The following SBF2 variants were observed in gnomAD, a reference collection of about 807,000 sequenced individuals.
The protein encoded by SBF2 is myotubularin-related protein 13.
A neutral mutation model predicts 225.2 loss-of-function variants in SBF2; 112 were observed. The observed-to-expected ratio is 0.50, with a 90% CI of 0.43 to 0.58. SBF2 has a LOEUF of 0.58. Among genes scored for constraint, SBF2 ranks in the 20% least tolerant of loss-of-function variants. The pLI is 0.00. For missense variants in SBF2, 1,996 were observed against 2,206.2 expected (o/e 0.90, Z 1.91); for synonymous variants, 763 against 773.3 (o/e 0.99, Z 0.22).
intron 2 of SBF2, among the ~76,000 whole-genome samples, chr11:10,130,048 A>G (rs1254974123): frequency 6.6e-6 from 1 of 151,930 alleles, no homozygotes; most frequent in Non-Finnish European, 1.5e-5. Context: ...AGGGACTGGA[A>G]AACTTAAAAT....
chr11:10,198,707 C>A (rs534856963), intron 1 of SBF2, among the ~76,000 whole-genome samples: 19 of 152,316 alleles, frequency 1.2e-4, no homozygotes, highest in African/African-American at 4.1e-4. Flanking sequence ...TGTGGCTGCC[C>A]TCATCATCTT....
chr11:10,204,213 G>A (rs559379786), intron 1 of SBF2, among the ~76,000 whole-genome samples: 6 of 149,364 alleles, frequency 4.0e-5, no homozygotes, highest in Admixed American at 2.7e-4. Flanking sequence ...AGAAGACAGT[G>A]GAGCTACATC....
intron 1 of SBF2, among the ~76,000 whole-genome samples, chr11:10,198,234 A>G (rs918545081): frequency 2.0e-5 from 3 of 152,228 alleles, no homozygotes. Context: ...TGAAAGTCAA[A>G]ATGACTCTTG....
rs190053552 is a variant in SBF2, at chr11:10,071,067, C to T, written c.142-28086G>A. Among the ~76,000 whole-genome samples, 190 of 152,172 alleles carry T rather than the reference C, an allele frequency of 1.2e-3. 2 individuals are homozygous for T. The East Asian group carries it at 0.029, about 23-fold the overall frequency. ...AGCTTAAGGAGGTTTTGGGCTGAGA[C>T]GATGGTGTTTTCTAAATATACAATA... On this transcript the variant is annotated intron_variant, in intron 2 of 39. Coordinates refer to ENST00000256190, the MANE Select transcript of SBF2 (RefSeq NM_030962.4).
At chr11:9,827,235 T>G (rs529958291) in intron 28 of SBF2, among the ~76,000 whole-genome samples, 3 of 152,228 alleles carry the variant, frequency 2.0e-5, no homozygotes, top group Admixed American at 2.0e-4. Flanking sequence ...GACTTCACAG[T>G]TGAGATATCT....
At chr11:10,139,659 A>C (rs1041398072) in intron 2 of SBF2, among the ~76,000 whole-genome samples, 4 of 152,216 alleles carry the variant, frequency 2.6e-5, no homozygotes, top group African/African-American at 9.6e-5. Context: ...GCTCCTGTTC[A>C]ATCTTAGCTA....
At chr11:10,186,096 T>C (rs967150903) in intron 2 of SBF2, among the ~76,000 whole-genome samples, 1 of 152,200 alleles carries the variant, frequency 6.6e-6, no homozygotes, top group Admixed American at 6.5e-5. Context: ...TACCTCATAT[T>C]AGAAATTTAG....
chr11:10,208,762 C>T (rs910765566), intron 1 of SBF2, among the ~76,000 whole-genome samples: 3 of 152,002 alleles, frequency 2.0e-5, no homozygotes, highest in African/African-American at 7.2e-5. Flanking sequence ...TTTCTTGGAA[C>T]CAGCTTTAAA....
chr11:9,894,471 C>A (rs900022989), intron 17 of SBF2, among the ~76,000 whole-genome samples: 1 of 150,810 alleles, frequency 6.6e-6, no homozygotes, highest in South Asian at 2.1e-4. Context: ...GAGCTGAAAT[C>A]GCGCCACTAC....
At chr11:9,936,264 C>T (rs915581110) in intron 16 of SBF2, among the ~76,000 whole-genome samples, 7 of 152,296 alleles carry the variant, frequency 4.6e-5, no homozygotes, top group East Asian at 1.9e-4. Context: ...TACCATCTCA[C>T]ACCAGTTAGA....
chr11:9,958,831 G>A, intron 16 of SBF2: 1 of 602,926 alleles, frequency 1.7e-6, no homozygotes, highest in Admixed American at 2.1e-5. Flanking sequence ...AGTCGGCAGA[G>A]AGGCAATGAT....
chr11:9,910,863 T>G (rs1380615956), intron 16 of SBF2, among the ~76,000 whole-genome samples: 2 of 127,570 alleles, frequency 1.6e-5, no homozygotes, highest in Non-Finnish European at 3.2e-5. Flanking sequence ...TTGGCCAACA[T>G]GGTGAAAACT....
Position 9,789,143 on chromosome 11 carries a change from C to T in SBF2, c.4898G>A (p.Cys1633Tyr), listed in dbSNP as rs747381897. 9.3e-6 allele frequency: 15 copies of T among 1,614,182 alleles called. No homozygotes were observed. The highest frequency in any genetic ancestry group is 1.3e-5 in the Non-Finnish European group (15 of 1,180,042). Residue 1633 changes from cysteine to tyrosine, a missense_variant, in exon 35 of 40, where the codon TGT becomes TAT. Coordinates refer to ENST00000256190, the MANE Select transcript of SBF2 (RefSeq NM_030962.4). The stretch of plus-strand genomic sequence containing the variant: ...GCTGGTGAGAGCATCAGGCTGAGTA[C>T]AGCTGACATCATCATAGCATGGCCA... ...TVWPCYDDVS[C>Y]TQPDALTSLF...
At chr11:10,186,279 T>C (rs1299611920) in intron 2 of SBF2, among the ~76,000 whole-genome samples, 1 of 152,220 alleles carries the variant, frequency 6.6e-6, no homozygotes, top group Non-Finnish European at 1.5e-5. Flanking sequence ...GGCTCATGCC[T>C]GTAATCTCAG....
chr11:10,299,188 A>G (rs892178432), upstream of SBF2, among the ~76,000 whole-genome samples: 2 of 152,018 alleles, frequency 1.3e-5, no homozygotes, highest in Non-Finnish European at 2.9e-5. Flanking sequence ...AATACAAAAA[A>G]TTAGCCAGGA....
At chr11:10,165,902 T>C (rs544975255) in intron 2 of SBF2, among the ~76,000 whole-genome samples, 3 of 152,360 alleles carry the variant, frequency 2.0e-5, no homozygotes, top group East Asian at 1.9e-4. Flanking sequence ...TTTTCAATTA[T>C]AGTAACTGTA....
At chr11:10,103,009 C>T (rs2134976365) in intron 2 of SBF2, among the ~76,000 whole-genome samples, 1 of 152,084 alleles carries the variant, frequency 6.6e-6, no homozygotes, top group South Asian at 2.1e-4. Flanking sequence ...TTTTGCTTGC[C>T]TTTTGAGTAA....
At position 9,932,282 on chromosome 11, in the gene SBF2, A is replaced by G. The variant is rs545395571; in HGVS notation, c.1860+29675T>C. On this transcript the variant is annotated intron_variant, in intron 16 of 39. Coordinates refer to ENST00000256190, the MANE Select transcript of SBF2 (RefSeq NM_030962.4). Reference sequence around the variant, plus strand: ...TTCAAATTCAGGAAATACAGAGAACACCACAAAGATACTCCTCGAGAAGAG... The same window carrying G: ...TTCAAATTCAGGAAATACAGAGAACGCCACAAAGATACTCCTCGAGAAGAG... Among the ~76,000 whole-genome samples, 6 of 152,276 alleles carry G rather than the reference A, an allele frequency of 3.9e-5. No homozygotes were observed. The South Asian group carries it at 8.3e-4, about 21-fold the overall frequency.
intron 17 of SBF2, among the ~76,000 whole-genome samples, chr11:9,868,232 C>T (rs890281260): frequency 3.3e-5 from 5 of 150,398 alleles, no homozygotes; most frequent in Admixed American, 1.3e-4. Flanking sequence ...CAGTGGCTCA[C>T]GCCTGTAATC....
Sources: gnomAD v4.1 joint callset for allele counts (sites outside exome capture counted in the v4.1 genomes callset) on GRCh38, gnomAD v4.1.1 for gene constraint, MANE v1.5 for transcripts, NCBI Gene and HGNC (gene_info 2026-07-23, HGNC 2026-07-21) for gene names.